Variants in MTDH observed in about 807,000 individuals in gnomAD.
MTDH encodes metadherin, also known as protein LYRIC.
In MTDH, 34 loss-of-function variants were observed where a neutral mutation model predicts 72.7. The ratio of observed to expected loss-of-function variants is 0.47; its 90% CI spans 0.36 to 0.62. MTDH has a LOEUF of 0.62. Ranked by LOEUF, MTDH falls within the 20% of genes least tolerant of loss-of-function variation. The pLI is 0.00. For synonymous variants in MTDH, 266 were observed against 268.9 expected (o/e 0.99, Z 0.10); for missense variants, 677 against 699.4 (o/e 0.97, Z 0.36).
chr8:97,720,469 C>T (rs1269230047), intron 10 of MTDH, among the ~76,000 whole-genome samples: 1 of 148,396 alleles, frequency 6.7e-6, no homozygotes, highest in Non-Finnish European at 1.5e-5. Context: ...CCCAGCTACT[C>T]GGGAGACTGA....
At chr8:97,663,162 T>G (rs879803902) in intron 2 of MTDH, among the ~76,000 whole-genome samples, 5 of 152,150 alleles carry the variant, frequency 3.3e-5, no homozygotes, top group Admixed American at 1.3e-4. Context: ...CTGCTTCTAC[T>G]CCCTGAATTG....
At chr8:97,712,811 A>G (rs1279937071) in intron 8 of MTDH, among the ~76,000 whole-genome samples, 2 of 152,116 alleles carry the variant, frequency 1.3e-5, no homozygotes, top group Non-Finnish European at 2.9e-5. Flanking sequence ...TTTCTTTGGC[A>G]TCTGTGCATG....
intron 2 of MTDH, among the ~76,000 whole-genome samples, chr8:97,679,161 T>C (rs1173171134): frequency 5.9e-5 from 9 of 152,148 alleles, no homozygotes; most frequent in African/African-American, 2.2e-4. Flanking sequence ...CCTTTTCTTA[T>C]CTACAAAATG....
intron 1 of MTDH, among the ~76,000 whole-genome samples, chr8:97,646,354 A>G (rs1445731431): frequency 6.6e-6 from 1 of 152,230 alleles, no homozygotes; most frequent in Non-Finnish European, 1.5e-5. Flanking sequence ...GAGAGGAGAA[A>G]ATAGAACTGA....
chr8:97,663,880 T>G (rs1393611765), intron 2 of MTDH, among the ~76,000 whole-genome samples: 1 of 152,176 alleles, frequency 6.6e-6, no homozygotes, highest in Non-Finnish European at 1.5e-5. Flanking sequence ...TTGAGGCTTA[T>G]GTTACCTGAG....
chr8:97,689,253 G>T, intron 5 of MTDH, 150 bp downstream of exon 5: 1 of 438,502 alleles, frequency 2.3e-6, no homozygotes. Flanking sequence ...ACAGTACAGA[G>T]ATTTTGGAAA....
chr8:97,664,184 T>C (rs2130940240), intron 2 of MTDH, among the ~76,000 whole-genome samples: 1 of 152,214 alleles, frequency 6.6e-6, no homozygotes, highest in South Asian at 2.1e-4. Context: ...GGTGAAACCC[T>C]GTCTCTACTA....
At chr8:97,660,443 T>C (rs994849169) in intron 1 of MTDH, among the ~76,000 whole-genome samples, 4 of 152,264 alleles carry the variant, frequency 2.6e-5, no homozygotes, top group Middle Eastern at 3.4e-3. Flanking sequence ...AATGGAGGAA[T>C]TATGTAGTTG....
intron 2 of MTDH, among the ~76,000 whole-genome samples, chr8:97,670,310 G>A (rs946640265): frequency 2.0e-5 from 3 of 151,916 alleles, no homozygotes; most frequent in African/African-American, 7.3e-5. Context: ...GTGAGACCCT[G>A]TCTAAAAAAA....
At chr8:97,709,020 G>A (rs1258829597) in intron 8 of MTDH, among the ~76,000 whole-genome samples, 8 of 151,934 alleles carry the variant, frequency 5.3e-5, no homozygotes, top group African/African-American at 1.2e-4. Flanking sequence ...GTGAAACCCC[G>A]TCTCTGCTGA....
intron 2 of MTDH, among the ~76,000 whole-genome samples, chr8:97,670,098 T>G (rs1812552526): frequency 6.6e-6 from 1 of 152,156 alleles, no homozygotes; most frequent in Non-Finnish European, 1.5e-5. Flanking sequence ...GTGGATCACT[T>G]GAGGCCAAGA....
rs1450330488 is a variant in MTDH, at chr8:97,644,463, C to G, written c.-44C>G. 6.5e-7 allele frequency: 1 copy of G among 1,527,034 alleles called. No individual in the cohort carries two copies. The highest frequency in any genetic ancestry group is 1.4e-5 in the African/African-American group (1 of 71,048). The allele number at this position is 1,527,034 out of a possible 1,614,324, so 94.6% of individuals were successfully genotyped here. A position where few individuals can be genotyped will look rare whatever the true frequency, so the allele number is the denominator to read the frequency against. ...TCCCTCGACTATTCCACTGCGTCTC[C>G]GCGCCCCGGCGTCATCCTGCGAGTC... On this transcript the variant is annotated 5_prime_UTR_variant, in exon 1 of 12. Transcript: ENST00000336273.
intron 7 of MTDH, among the ~76,000 whole-genome samples, chr8:97,700,423 A>G (rs1167409175): frequency 2.6e-5 from 4 of 151,568 alleles, no homozygotes; most frequent in Non-Finnish European, 5.9e-5. Context: ...TTTACTATTT[A>G]CTGTTTTCTA....
chr8:97,668,393 G>A (rs1478244247), intron 2 of MTDH, among the ~76,000 whole-genome samples: 2 of 152,072 alleles, frequency 1.3e-5, no homozygotes, highest in Non-Finnish European at 2.9e-5. Flanking sequence ...AAAGATTCAT[G>A]CACATTGCAA....
At chr8:97,661,285 C>A in intron 2 of MTDH, 112 bp downstream of exon 2, 1 of 722,688 alleles carries the variant, frequency 1.4e-6, no homozygotes, top group Non-Finnish European at 2.1e-6. Context: ...TTAAACAAAA[C>A]TCAGAAAATC....
intron 1 of MTDH, among the ~76,000 whole-genome samples, chr8:97,658,198 G>C (rs1282106760): frequency 8.8e-6 from 1 of 114,098 alleles, no homozygotes; most frequent in South Asian, 2.9e-4. Flanking sequence ...TAAGAGTTTA[G>C]TGGAAAATTG....
chr8:97,696,189 T>G (rs1295288181), intron 6 of MTDH: 17 of 975,242 alleles, frequency 1.7e-5, no homozygotes, highest in Non-Finnish European at 1.3e-5. Context: ...CAAGTGATGT[T>G]TTTTATTTTA....
intron 2 of MTDH, among the ~76,000 whole-genome samples, chr8:97,686,423 T>G (rs557522944): frequency 6.6e-6 from 1 of 152,324 alleles, no homozygotes; most frequent in South Asian, 2.1e-4. Context: ...GACTAATACC[T>G]TCTCCAGCAA....
intron 2 of MTDH, among the ~76,000 whole-genome samples, chr8:97,679,799 AGAGT>A (rs1395806928): frequency 3.3e-5 from 5 of 152,174 alleles, no homozygotes; most frequent in African/African-American, 1.2e-4. Flanking sequence ...CGCTGTTACA[AGAGT>A]GATAGCAGAC....
Sources: gnomAD v4.1 joint callset for allele counts (sites outside exome capture counted in the v4.1 genomes callset) on GRCh38, gnomAD v4.1.1 for gene constraint, MANE v1.5 for transcripts, NCBI Gene and HGNC (gene_info 2026-07-23, HGNC 2026-07-21) for gene names.